STPG2: variants seen among roughly 807,000 people sequenced by gnomAD.
STPG2 encodes the protein sperm-tail PG-rich repeat-containing protein 2.
In STPG2, 56 loss-of-function variants were observed where a neutral mutation model predicts 54.2. The ratio of observed to expected loss-of-function variants is 1.03; its 90% CI spans 0.83 to 1.29. STPG2 has a LOEUF of 1.29. Among genes scored for constraint, STPG2 ranks in the 50% most tolerant of loss-of-function variants. The probability of loss-of-function intolerance (pLI) is 0.00; values close to 1 mark genes in which losing one functional copy is unlikely to be tolerated. For synonymous variants in STPG2, 200 were observed against 181.8 expected, an observed-to-expected ratio of 1.10 and a Z score of -0.81; for missense variants, 596 against 544.9, an observed-to-expected ratio of 1.09 and a Z score of -0.93.
intron 8 of STPG2, among the ~76,000 whole-genome samples, chr4:97,875,382 G>C (rs1413487184): frequency 1.3e-5 from 2 of 151,158 alleles, no homozygotes; most frequent in Non-Finnish European, 3.0e-5. Context: ...CCTCTGAAAT[G>C]CTGGGCTAAG....
chr4:98,116,586 T>TA (rs1739531404), intron 3 of STPG2, among the ~76,000 whole-genome samples: 1 of 151,926 alleles, frequency 6.6e-6, no homozygotes. Context: ...CTGGAGTTTT[T>TA]ACAGAATTGA....
chr4:97,633,928 A>G (rs932403728), intron 10 of STPG2: 2 of 154,458 alleles, frequency 1.3e-5, no homozygotes, highest in Non-Finnish European at 2.9e-5. Flanking sequence ...GGCGCCCACC[A>G]TTGCCCAGGC....
intron 5 of STPG2, among the ~76,000 whole-genome samples, chr4:98,067,923 T>C (rs144915024): frequency 2.0e-3 from 302 of 152,300 alleles, no homozygotes; most frequent in African/African-American, 7.1e-3. Flanking sequence ...CTGTCACTTA[T>C]CATTGAGTTA....
chr4:97,829,060 T>C (rs1728354589), intron 9 of STPG2, among the ~76,000 whole-genome samples: 1 of 152,142 alleles, frequency 6.6e-6, no homozygotes, highest in Non-Finnish European at 1.5e-5. Flanking sequence ...GTGCCTGACC[T>C]CTGTGTATCC....
At chr4:97,967,841 C>A (rs906759051) in intron 7 of STPG2, among the ~76,000 whole-genome samples, 3 of 152,164 alleles carry the variant, frequency 2.0e-5, no homozygotes, top group African/African-American at 7.2e-5. Context: ...ACCAGAATCT[C>A]TGGGACACAT....
intron 4 of STPG2, among the ~76,000 whole-genome samples, chr4:97,452,221 C>T (rs1729395507): frequency 1.3e-5 from 2 of 151,122 alleles, no homozygotes; most frequent in South Asian, 2.1e-4. Flanking sequence ...CAGGAAGGCC[C>T]TCATGCCCTC....
Position 98,109,178 on chromosome 4 carries a change from T to C in STPG2, c.500+15A>G, listed in dbSNP as rs377099139. 4 of 1,462,484 alleles carry C rather than the reference T, an allele frequency of 2.7e-6. No individual in the cohort carries two copies. Among genetic ancestry groups the C allele is most frequent in the East Asian group, 2.3e-5 (1 of 43,248 alleles). The allele number at this position is 1,462,484 out of a possible 1,614,324, so 90.6% of individuals were successfully genotyped here. On this transcript the variant is annotated intron_variant, in intron 4 of 10. Coordinates refer to ENST00000295268, the MANE Select transcript of STPG2 (RefSeq NM_174952.3). Reference sequence around the variant, plus strand: ...CAAGAGCTACATTAAAGGTATACTATATTTTTTTACTTACTGGACTATATC... The same window carrying C: ...CAAGAGCTACATTAAAGGTATACTACATTTTTTTACTTACTGGACTATATC...
At chr4:97,500,916 C>T (rs1261045578) in intron 4 of STPG2, among the ~76,000 whole-genome samples, 2 of 151,826 alleles carry the variant, frequency 1.3e-5, no homozygotes, top group Admixed American at 1.3e-4. Flanking sequence ...AGGAAGTTTG[C>T]AGTAAATGGA....
At chr4:97,883,073 T>A (rs895494270) in intron 8 of STPG2, among the ~76,000 whole-genome samples, 9 of 151,420 alleles carry the variant, frequency 5.9e-5, no homozygotes, top group African/African-American at 9.7e-5. Flanking sequence ...ATCCCCACAC[T>A]TTGGGAGGCT....
chr4:97,998,432 G>GCA (rs563022802), intron 5 of STPG2, among the ~76,000 whole-genome samples: 111 of 152,168 alleles, frequency 7.3e-4, no homozygotes, highest in African/African-American at 2.6e-3. Context: ...AATGAATGCA[G>GCA]CCAAATGAGT....
chr4:97,635,139 C>G (rs1439170221), intron 10 of STPG2, among the ~76,000 whole-genome samples: 2 of 152,040 alleles, frequency 1.3e-5, no homozygotes, highest in Non-Finnish European at 2.9e-5. Context: ...AACAGCGGAT[C>G]TCTCAGCAGA....
At chr4:97,541,043 C>T (rs947715191) in intron 4 of STPG2, among the ~76,000 whole-genome samples, 6 of 152,132 alleles carry the variant, frequency 3.9e-5, no homozygotes, top group Admixed American at 2.0e-4. Context: ...GGAAGCATTC[C>T]CTTTGAAAAA....
At chr4:97,578,900 C>T (rs1393810744) in intron 10 of STPG2, among the ~76,000 whole-genome samples, 1 of 152,050 alleles carries the variant, frequency 6.6e-6, no homozygotes, top group Non-Finnish European at 1.5e-5. Context: ...TGGCTAGGAA[C>T]TGAAAATTTA....
intron 10 of STPG2, among the ~76,000 whole-genome samples, chr4:97,661,697 A>C (rs747169233): frequency 6.6e-6 from 1 of 152,068 alleles, no homozygotes; most frequent in Non-Finnish European, 1.5e-5. Flanking sequence ...TGAAAAGAAA[A>C]GTCATATTAA....
rs569013661 is a variant in STPG2 at position 98,069,731 on chromosome 4, T to C, written c.612+36222A>G. On this transcript the variant is annotated intron_variant, in intron 5 of 10. Coordinates refer to ENST00000295268, the MANE Select transcript of STPG2 (RefSeq NM_174952.3). ...GTATAAGCAGATGGCCCTAGAAAGA[T>C]GAAGACAGTAACTTACGGCACATAT... Among the ~76,000 whole-genome samples the C allele has an allele frequency of 1.0e-3, 159 of 152,154 alleles. 1 individual carries two copies. Among genetic ancestry groups the C allele is most frequent in the African/African-American group, 3.7e-3 (153 of 41,492 alleles).
chr4:97,793,159 T>C (rs1178294347), intron 9 of STPG2, among the ~76,000 whole-genome samples: 1 of 151,978 alleles, frequency 6.6e-6, no homozygotes, highest in African/African-American at 2.4e-5. Flanking sequence ...AAAAGTCACT[T>C]TCGCAGTAAG....
intron 4 of STPG2, among the ~76,000 whole-genome samples, chr4:97,552,178 C>A (rs1480267128): frequency 1.3e-5 from 2 of 152,242 alleles, no homozygotes; most frequent in East Asian, 3.9e-4. Context: ...CGGTATATCT[C>A]TGACCATATC....
At chr4:97,539,228 A>G (rs1200196376) in intron 4 of STPG2, among the ~76,000 whole-genome samples, 1 of 152,220 alleles carries the variant, frequency 6.6e-6, no homozygotes, top group South Asian at 2.1e-4. Context: ...AAATGCTCCA[A>G]TTAAAAGACA....
At chr4:97,933,895 G>C (rs1429025660) in intron 8 of STPG2, among the ~76,000 whole-genome samples, 1 of 152,120 alleles carries the variant, frequency 6.6e-6, no homozygotes, top group Non-Finnish European at 1.5e-5. Context: ...TTCTAATTCT[G>C]TGAAGAATGT....
Sources: gnomAD v4.1 joint callset for allele counts (sites outside exome capture counted in the v4.1 genomes callset) on GRCh38, gnomAD v4.1.1 for gene constraint, MANE v1.5 for transcripts, NCBI Gene and HGNC (gene_info 2026-07-23, HGNC 2026-07-21) for gene names.